Variants in PRMT8 observed in about 807,000 individuals in gnomAD.
The protein encoded by PRMT8 is protein arginine N-methyltransferase 8.
Under a neutral mutation model 47.1 loss-of-function variants are expected in PRMT8, and 7 were observed. That is an observed-to-expected ratio of 0.15 (90% CI 0.08 to 0.28). The LOEUF is 0.28. Ranked by LOEUF, PRMT8 falls within the 10% of genes least tolerant of loss-of-function variation. PRMT8 has a pLI of 1.00. For missense variants in PRMT8, 237 were observed against 505.4 expected (o/e 0.47, Z 5.09); for synonymous variants, 188 against 186.5 (o/e 1.01, Z -0.07).
chr12:3,577,945 AG>A (rs1375287828), intron 7 of PRMT8, among the ~76,000 whole-genome samples: 1 of 152,186 alleles, frequency 6.6e-6, no homozygotes, highest in Non-Finnish European at 1.5e-5. Context: ...GCCTCCCTCC[AG>A]CCCCATCCTC....
intron 1 of PRMT8, among the ~76,000 whole-genome samples, chr12:3,507,769 T>C (rs1365775653): frequency 2.0e-5 from 3 of 150,978 alleles, no homozygotes; most frequent in African/African-American, 4.9e-5. Context: ...TTTTTTTTTT[T>C]TTTTTTTGAG....
At chr12:3,406,318 C>A (rs181238673) in intron 1 of PRMT8, among the ~76,000 whole-genome samples, 66 of 152,354 alleles carry the variant, frequency 4.3e-4, no homozygotes, top group African/African-American at 1.5e-3. Context: ...GGAGGGGCTG[C>A]TGTGAAGGTC....
At chr12:3,524,400 G>A (rs370209608) in intron 1 of PRMT8, among the ~76,000 whole-genome samples, 30 of 152,076 alleles carry the variant, frequency 2.0e-4, no homozygotes, top group Non-Finnish European at 3.7e-4. Flanking sequence ...CCCCTGCTTC[G>A]ATAGCTGATG....
intron 1 of PRMT8, among the ~76,000 whole-genome samples, chr12:3,482,423 A>G (rs2109193): frequency 0.18 from 27,302 of 152,170 alleles, 3,062 homozygotes; most frequent in East Asian, 0.26. Flanking sequence ...TGCACTAACT[A>G]AGTCCTGATG....
At chr12:3,485,289 T>C (rs1335645247) in intron 1 of PRMT8, among the ~76,000 whole-genome samples, 1 of 152,184 alleles carries the variant, frequency 6.6e-6, no homozygotes, top group Non-Finnish European at 1.5e-5. Flanking sequence ...CAGGATTACG[T>C]CTTTTATTTC....
chr12:3,414,685 G>C (rs1256045976), intron 1 of PRMT8, among the ~76,000 whole-genome samples: 1 of 152,116 alleles, frequency 6.6e-6, no homozygotes, highest in Non-Finnish European at 1.5e-5. Flanking sequence ...GTATGCAGAG[G>C]ATGATATTGG....
rs1866389913 is a variant in PRMT8, at chr12:3,550,101, C to G, written c.417+10C>G. 3.7e-6 allele frequency: 6 copies of G among 1,613,102 alleles called. No individual in the cohort carries two copies. Among genetic ancestry groups the G allele is most frequent in the Non-Finnish European group, 5.1e-6 (6 of 1,179,572 alleles). Reference sequence around the variant, plus strand: ...CAAGAAGGTGTTTGGGGTGAGCACGCCGCTTCCTCCTGCATGCTGGCTTCC... The same window carrying G: ...CAAGAAGGTGTTTGGGGTGAGCACGGCGCTTCCTCCTGCATGCTGGCTTCC... On this transcript the variant is annotated intron_variant, in intron 3 of 9. Coordinates refer to ENST00000382622, the MANE Select transcript of PRMT8 (RefSeq NM_019854.5). This position sits in a 1 kb window ranked among gnomAD's most constrained non-coding sequence, Gnocchi z 5.1.
chr12:3,524,344 A>C (rs1865921816), intron 1 of PRMT8, among the ~76,000 whole-genome samples: 1 of 152,162 alleles, frequency 6.6e-6, no homozygotes, highest in Admixed American at 6.5e-5. Context: ...AAGTGCCTTA[A>C]ATTGGCTTAG....
intron 1 of PRMT8, among the ~76,000 whole-genome samples, chr12:3,476,110 C>T (rs2137098345): frequency 6.6e-6 from 1 of 152,242 alleles, no homozygotes; most frequent in Middle Eastern, 3.4e-3. Context: ...TCCCTCTAAA[C>T]ACTGAGTTTC....
At chr12:3,412,796 G>A (rs900794496) in intron 1 of PRMT8, among the ~76,000 whole-genome samples, 1 of 152,142 alleles carries the variant, frequency 6.6e-6, no homozygotes, top group Non-Finnish European at 1.5e-5. Context: ...TGTATTTTTA[G>A]TAGAAACAGG....
rs1156825419 is a variant in PRMT8, at chr12:3,426,928, G to A, written c.48+45486G>A. 5.3e-5 allele frequency among the ~76,000 whole-genome samples: 8 copies of A among 152,198 alleles called. No homozygotes were observed. In the South Asian group the frequency reaches 1.7e-3, roughly 32 times the overall value. On this transcript the variant is annotated intron_variant, in intron 1 of 9. Coordinates refer to the PRMT8 transcript ENST00000452611. Reference sequence around the variant, plus strand: ...GTTTTCCTTCTTTCCACCCTTTGATGAGAACGTGATCGTCAGGCTGGTGCT... The same window carrying A: ...GTTTTCCTTCTTTCCACCCTTTGATAAGAACGTGATCGTCAGGCTGGTGCT...
At chr12:3,592,785 G>C (rs774465701) in intron 9 of PRMT8, among the ~76,000 whole-genome samples, 3 of 152,200 alleles carry the variant, frequency 2.0e-5, no homozygotes, top group Non-Finnish European at 2.9e-5. Context: ...CGCTAAAAAC[G>C]TCTGCAGAGT....
chr12:3,583,837 CCCCTCTTGGCCGAG>C lies in PRMT8; in HGVS notation c.979+634_979+647del, dbSNP rs1291433275. 6.6e-6 allele frequency among the ~76,000 whole-genome samples: 1 copy of C among 152,252 alleles called. No individual in the cohort carries two copies. The highest frequency in any genetic ancestry group is 2.4e-5 in the African/African-American group (1 of 41,472). On this transcript the variant is annotated intron_variant, in intron 8 of 9. Coordinates refer to ENST00000382622, the MANE Select transcript of PRMT8 (RefSeq NM_019854.5). The surrounding 1 kb of genome is among the most constrained non-coding windows in gnomAD (Gnocchi z 4.7). ...CACTCTCCAGCCTCATTCCTCACCA[CCCCTCTTGGCCGAG>C]CCCTGTCCCGTCGCTGCTACCCCAC...
chr12:3,423,607 A>G (rs1001095960), intron 1 of PRMT8, among the ~76,000 whole-genome samples: 1 of 152,232 alleles, frequency 6.6e-6, no homozygotes, highest in African/African-American at 2.4e-5. Flanking sequence ...AATAGTGCCA[A>G]TAACACAACC....
chr12:3,460,375 A>T (rs371196134), intron 1 of PRMT8, among the ~76,000 whole-genome samples: 15 of 152,204 alleles, frequency 9.9e-5, no homozygotes, highest in African/African-American at 3.4e-4. Flanking sequence ...GAGATCATGG[A>T]CATCACCGGC....
chr12:3,532,611 C>CAAAAAAAAAA lies in PRMT8; in HGVS notation c.76-7974_76-7965dup, dbSNP rs35698030. Among the ~76,000 whole-genome samples the CAAAAAAAAAA allele has an allele frequency of 1.7e-3, 43 of 24,658 alleles. 3 individuals carry two copies. The highest frequency in any genetic ancestry group is 2.3e-3 in the Non-Finnish European group (32 of 14,042). 16.2% of individuals were successfully genotyped at this position (24,658 alleles called of 152,430 possible). ...TGGGCGACAGAGTAAGACTCCGTCTCAAAAAAAAAAAAAAAAAAAAAAAAA... is the reference window on the plus strand; with the variant it reads ...TGGGCGACAGAGTAAGACTCCGTCTCAAAAAAAAAAAAAAAAAAAAAAAAAAAAAAAAAAA... On this transcript the variant is annotated intron_variant, in intron 1 of 9. Transcript: ENST00000382622.
chr12:3,569,480 C>T lies in PRMT8; in HGVS notation c.628C>T (p.Pro210Ser). The T allele has an allele frequency of 6.2e-7, 1 of 1,613,992 alleles. No homozygotes were observed. The highest frequency in any genetic ancestry group is 8.5e-7 in the Non-Finnish European group (1 of 1,179,848). Residue 210 changes from proline to serine, a missense_variant, in exon 6 of 10, where the codon CCT becomes TCT. Coordinates refer to ENST00000382622, the MANE Select transcript of PRMT8 (RefSeq NM_019854.5). The surrounding 1 kb of genome is among the most constrained non-coding windows in gnomAD (Gnocchi z 8.2). ...VIFARDKWLK[P>S]GGLMFPDRAA... ...TTTCCCCACAATTCATCAACAGAAACCTGGAGGGCTTATGTTTCCAGACCG... is the reference window on the plus strand; with the variant it reads ...TTTCCCCACAATTCATCAACAGAAATCTGGAGGGCTTATGTTTCCAGACCG...
chr12:3,445,091 T>G (rs1864843970), intron 1 of PRMT8, among the ~76,000 whole-genome samples: 1 of 152,266 alleles, frequency 6.6e-6, no homozygotes, highest in African/African-American at 2.4e-5. Flanking sequence ...GGAGACAGCC[T>G]CTAGTATGGA....
chr12:3,478,645 A>G (rs1344151008), intron 1 of PRMT8, among the ~76,000 whole-genome samples: 1 of 152,176 alleles, frequency 6.6e-6, no homozygotes, highest in East Asian at 1.9e-4. Context: ...TAGAATCTGA[A>G]TTTTCCTAAT....
Sources: gnomAD v4.1 joint callset for allele counts (sites outside exome capture counted in the v4.1 genomes callset) on GRCh38, gnomAD v4.1.1 for gene constraint, Gnocchi (gnomAD v3.1) non-coding constraint, MANE v1.5 for transcripts, NCBI Gene and HGNC (gene_info 2026-07-23, HGNC 2026-07-21) for gene names.